AGBL4: variants seen among roughly 807,000 people sequenced by gnomAD.
AGBL4 encodes cytosolic carboxypeptidase 6.
In AGBL4, 58 loss-of-function variants were observed where a neutral mutation model predicts 66.4. That is an observed-to-expected ratio of 0.87 (90% CI 0.71 to 1.09). The LOEUF (loss-of-function observed/expected upper bound fraction) is 1.09, where lower values mean the gene tolerates loss of function less well. Among genes scored for constraint, AGBL4 ranks in the 50% least tolerant of loss-of-function variants. The pLI is 0.00. For missense variants in AGBL4, 579 were observed against 631.0 expected, an observed-to-expected ratio of 0.92 and a Z score of 0.88; for synonymous variants, 234 against 222.9, an observed-to-expected ratio of 1.05 and a Z score of -0.44.
rs113737387 is a variant in AGBL4 at position 49,803,200 on chromosome 1, A to G, written c.157+48196T>C. ...GCCTGCCTATGATTTTTACTCAACA[A>G]TGTTCATTCATTCTCTTCCTTTTAA... is the stretch of plus-strand genomic sequence containing the variant. On this transcript the variant is annotated intron_variant, in intron 2 of 13. Coordinates refer to ENST00000371839, the MANE Select transcript of AGBL4 (RefSeq NM_032785.4). Among the ~76,000 whole-genome samples the G allele has an allele frequency of 2.6e-3, 399 of 152,104 alleles. 5 individuals are homozygous for G. The highest frequency in any genetic ancestry group is 9.0e-3 in the African/African-American group (372 of 41,534).
At chr1:49,161,783 A>T (rs1350204544) in intron 4 of AGBL4, among the ~76,000 whole-genome samples, 3 of 152,082 alleles carry the variant, frequency 2.0e-5, no homozygotes, top group African/African-American at 7.2e-5. Flanking sequence ...GGGGAAGCAC[A>T]CATACTGCAA....
At chr1:49,942,045 C>A (rs1321730959) in intron 1 of AGBL4, among the ~76,000 whole-genome samples, 1 of 151,958 alleles carries the variant, frequency 6.6e-6, no homozygotes, top group East Asian at 1.9e-4. Context: ...ATATGAAAAT[C>A]AGTATCTTCA....
chr1:49,883,494 T>G (rs904826482), intron 1 of AGBL4, among the ~76,000 whole-genome samples: 5 of 152,116 alleles, frequency 3.3e-5, no homozygotes, highest in Non-Finnish European at 7.4e-5. Context: ...GATTATGGTT[T>G]CTCATCAGAA....
chr1:49,328,425 G>T (rs1198528971), intron 3 of AGBL4, among the ~76,000 whole-genome samples: 1 of 152,092 alleles, frequency 6.6e-6, no homozygotes, highest in African/African-American at 2.4e-5. Flanking sequence ...TATTCTTCTT[G>T]TCTTGGTTTT....
At chr1:49,687,459 A>G (rs1646807419) in intron 3 of AGBL4, among the ~76,000 whole-genome samples, 1 of 152,174 alleles carries the variant, frequency 6.6e-6, no homozygotes, top group African/African-American at 2.4e-5. Flanking sequence ...CTGTAAAACA[A>G]TAGAAGCCGA....
intron 3 of AGBL4, among the ~76,000 whole-genome samples, chr1:49,480,023 A>G (rs1331448803): frequency 6.6e-6 from 1 of 151,888 alleles, no homozygotes; most frequent in Non-Finnish European, 1.5e-5. Flanking sequence ...TTCTTTATCT[A>G]GTCTATCACT....
At chr1:49,316,924 T>C (rs2148470069) in intron 3 of AGBL4, among the ~76,000 whole-genome samples, 1 of 151,920 alleles carries the variant, frequency 6.6e-6, no homozygotes, top group Non-Finnish European at 1.5e-5. Context: ...GAAAAAAACA[T>C]TTAATGTATA....
chr1:49,279,916 G>A (rs1482232528), intron 3 of AGBL4, among the ~76,000 whole-genome samples: 2 of 152,166 alleles, frequency 1.3e-5, no homozygotes, highest in Non-Finnish European at 2.9e-5. Context: ...CATGCTAGGA[G>A]GATAGCGAAG....
intron 6 of AGBL4, among the ~76,000 whole-genome samples, chr1:48,774,753 T>C (rs538018538): frequency 6.6e-6 from 1 of 152,322 alleles, no homozygotes; most frequent in South Asian, 2.1e-4. Flanking sequence ...AGCTGCCATC[T>C]GCCTAAGTGG....
At chr1:49,564,723 C>A (rs1230983319) in intron 3 of AGBL4, among the ~76,000 whole-genome samples, 4 of 152,056 alleles carry the variant, frequency 2.6e-5, no homozygotes, top group Non-Finnish European at 5.9e-5. Flanking sequence ...TGCTTTACTT[C>A]CAACTATGTG....
chr1:49,276,970 T>C (rs1644180326), intron 3 of AGBL4, among the ~76,000 whole-genome samples: 1 of 152,166 alleles, frequency 6.6e-6, no homozygotes, highest in South Asian at 2.1e-4. Context: ...GGTCCCTACG[T>C]TATTTAGCAA....
intron 3 of AGBL4, among the ~76,000 whole-genome samples, chr1:49,325,140 A>T (rs934902690): frequency 1.3e-5 from 2 of 152,090 alleles, no homozygotes; most frequent in Non-Finnish European, 2.9e-5. Context: ...CTCCTGCCTC[A>T]GCCTCCCAAG....
chr1:49,097,186 C>A (rs1049041955), intron 4 of AGBL4, among the ~76,000 whole-genome samples: 66 of 152,192 alleles, frequency 4.3e-4, no homozygotes, highest in African/African-American at 1.4e-3. Context: ...AACAGAACTG[C>A]ATACATATGC....
chr1:48,833,340 A>G (rs1257636775), intron 6 of AGBL4, among the ~76,000 whole-genome samples: 1 of 152,228 alleles, frequency 6.6e-6, no homozygotes, highest in Non-Finnish European at 1.5e-5. Context: ...AACTTGGCTG[A>G]ACTGTGTTCT....
At chr1:49,806,553 C>T (rs1431697976) in intron 2 of AGBL4, among the ~76,000 whole-genome samples, 3 of 152,126 alleles carry the variant, frequency 2.0e-5, no homozygotes, top group East Asian at 1.9e-4. Context: ...ATCTGAAAAA[C>T]TCTCAGCCTC....
chr1:49,742,164 C>T (rs567883646), intron 2 of AGBL4, among the ~76,000 whole-genome samples: 1 of 151,822 alleles, frequency 6.6e-6, no homozygotes, highest in Non-Finnish European at 1.5e-5. Context: ...ATTGTCTCAG[C>T]CCAAAATCTC....
intron 2 of AGBL4, among the ~76,000 whole-genome samples, chr1:49,771,543 A>G (rs556643780): frequency 6.8e-4 from 104 of 152,186 alleles, no homozygotes; most frequent in Middle Eastern, 3.4e-3. Context: ...TCTAATAACT[A>G]TTTATTAATC....
intron 3 of AGBL4, among the ~76,000 whole-genome samples, chr1:49,625,909 T>C (rs1645455362): frequency 6.6e-6 from 1 of 152,056 alleles, no homozygotes; most frequent in Non-Finnish European, 1.5e-5. Flanking sequence ...CTGAGAATGA[T>C]CAGCAAGGAT....
chr1:49,741,625 G>A (rs1650483119), intron 2 of AGBL4, among the ~76,000 whole-genome samples: 1 of 152,136 alleles, frequency 6.6e-6, no homozygotes, highest in Non-Finnish European at 1.5e-5. Flanking sequence ...CAATATCCCT[G>A]ATGAACATCG....
Sources: allele counts gnomAD v4.1 joint callset (sites outside exome capture counted in the v4.1 genomes callset), GRCh38; gene constraint gnomAD v4.1.1; transcripts MANE v1.5; gene names NCBI Gene and HGNC (gene_info 2026-07-23, HGNC 2026-07-21).